The following EPHA6 variants were observed in gnomAD, a reference collection of about 807,000 sequenced individuals.
The protein encoded by EPHA6 is ephrin type-A receptor 6.
A neutral mutation model predicts 112.0 loss-of-function variants in EPHA6; 50 were observed. That is an observed-to-expected ratio of 0.45 (90% CI 0.36 to 0.56). The LOEUF is 0.56. Among genes scored for constraint, EPHA6 ranks in the 20% least tolerant of loss-of-function variants. The pLI, the probability that EPHA6 is intolerant of heterozygous loss-of-function variation, is 0.00. For missense variants in EPHA6, 1,280 were observed against 1,417.4 expected (o/e 0.90, Z 1.56); for synonymous variants, 529 against 490.7 (o/e 1.08, Z -1.03).
At chr3:96,867,224 GTATT>G (rs1393831177) in intron 2 of EPHA6, among the ~76,000 whole-genome samples, 1 of 151,708 alleles carries the variant, frequency 6.6e-6, no homozygotes, top group African/African-American at 2.4e-5. Context: ...ACCTCGATGA[GTATT>G]TGTGCATAAA....
intron 5 of EPHA6, among the ~76,000 whole-genome samples, chr3:97,398,053 A>T (rs1489642608): frequency 6.6e-6 from 1 of 151,452 alleles, no homozygotes; most frequent in Non-Finnish European, 1.5e-5. Context: ...TGTACTATTA[A>T]TTGCCCACTG....
At chr3:97,709,786 C>G (rs1192870476) in intron 14 of EPHA6, among the ~76,000 whole-genome samples, 3 of 152,180 alleles carry the variant, frequency 2.0e-5, no homozygotes, top group Non-Finnish European at 2.9e-5. Context: ...AGTGAGTTCT[C>G]ATGAAATATG....
At chr3:97,704,866 G>A (rs928723509) in intron 14 of EPHA6, among the ~76,000 whole-genome samples, 1 of 152,044 alleles carries the variant, frequency 6.6e-6, no homozygotes, top group African/African-American at 2.4e-5. Context: ...TAAAAATGTG[G>A]TGTCATGTGA....
At chr3:97,662,644 C>T (rs2094177408) in intron 14 of EPHA6, among the ~76,000 whole-genome samples, 2 of 152,202 alleles carry the variant, frequency 1.3e-5, no homozygotes, top group South Asian at 4.2e-4. Context: ...TCTTTAATCA[C>T]AAAATAAAAT....
chr3:97,639,378 A>G (rs1257462520), intron 14 of EPHA6, among the ~76,000 whole-genome samples: 2 of 152,034 alleles, frequency 1.3e-5, no homozygotes, highest in East Asian at 1.9e-4. Flanking sequence ...TTACAAATTT[A>G]TAACTTAAAA....
intron 14 of EPHA6, among the ~76,000 whole-genome samples, chr3:97,712,716 G>A (rs972718892): frequency 1.3e-5 from 2 of 152,176 alleles, no homozygotes; most frequent in Non-Finnish European, 2.9e-5. Context: ...ATTTTCAGGA[G>A]CAATTTAAGA....
chr3:97,460,253 A>G lies in EPHA6; in HGVS notation c.1894+11523A>G, dbSNP rs116987262. On this transcript the variant is annotated intron_variant, in intron 7 of 17. Coordinates refer to ENST00000389672, the MANE Select transcript of EPHA6 (RefSeq NM_001080448.3). ...GAACCATAAATGAAATAAAGCAAACATGCTATATTATCTTCCTTTGCTCTA... is the reference window on the plus strand; with the variant it reads ...GAACCATAAATGAAATAAAGCAAACGTGCTATATTATCTTCCTTTGCTCTA... 6.0e-4 allele frequency among the ~76,000 whole-genome samples: 91 copies of G among 152,354 alleles called. 1 individual carries two copies. The East Asian group carries it at 0.012, about 20-fold the overall frequency.
intron 3 of EPHA6, among the ~76,000 whole-genome samples, chr3:97,193,137 C>CATAT (rs2077351820): frequency 2.6e-5 from 4 of 152,064 alleles, no homozygotes; most frequent in Admixed American, 2.6e-4. Context: ...TTTGTGCTTT[C>CATAT]ATATACATTT....
chr3:97,748,548 T>C (rs942109618), intron 17 of EPHA6, 39 bp from the exon 18 acceptor site: 2 of 982,972 alleles, frequency 2.0e-6, no homozygotes, highest in Non-Finnish European at 3.3e-6. Context: ...TTTCTTGCTC[T>C]CACTCTCGCT....
At chr3:97,305,415 C>T (rs1240633086) in intron 5 of EPHA6, among the ~76,000 whole-genome samples, 2 of 151,990 alleles carry the variant, frequency 1.3e-5, no homozygotes, top group Non-Finnish European at 1.5e-5. Flanking sequence ...GATACATGCA[C>T]ATGTATGTTC....
intron 10 of EPHA6, among the ~76,000 whole-genome samples, chr3:97,506,927 T>C (rs913472646): frequency 3.3e-5 from 5 of 152,162 alleles, no homozygotes; most frequent in African/African-American, 1.2e-4. Flanking sequence ...ATTCCCTTTG[T>C]AGTCATGCGA....
intron 11 of EPHA6, among the ~76,000 whole-genome samples, chr3:97,591,014 C>T (rs1219104354): frequency 6.6e-6 from 1 of 152,142 alleles, no homozygotes; most frequent in Non-Finnish European, 1.5e-5. Flanking sequence ...TTGTAAGTTA[C>T]CTCGGAGTAC....
At chr3:97,152,148 T>C (rs1288004596) in intron 3 of EPHA6, among the ~76,000 whole-genome samples, 1 of 151,948 alleles carries the variant, frequency 6.6e-6, no homozygotes, top group East Asian at 1.9e-4. Flanking sequence ...AATCAGGCTT[T>C]AGTTGGAGAT....
At chr3:97,515,318 G>A (rs2092430824) in intron 10 of EPHA6, among the ~76,000 whole-genome samples, 1 of 152,170 alleles carries the variant, frequency 6.6e-6, no homozygotes, top group Non-Finnish European at 1.5e-5. Context: ...AACATAAGCT[G>A]CCAGAGACAG....
rs181218952 is a variant in EPHA6, at chr3:97,432,917, A to T, written c.1732-15651A>T. On this transcript the variant is annotated intron_variant, in intron 6 of 17. Transcript: ENST00000389672. ...TCCTTGACATATGGGGATTATAGGG[A>T]TTACAACAGGAGATGAGATTTGGGT... Among the ~76,000 whole-genome samples the T allele has an allele frequency of 2.9e-4, 44 of 152,288 alleles. No individual in the cohort carries two copies. The East Asian group carries it at 6.2e-3, about 21-fold the overall frequency.
chr3:97,051,288 A>G (rs1198663816), intron 3 of EPHA6, among the ~76,000 whole-genome samples: 2 of 152,174 alleles, frequency 1.3e-5, no homozygotes, highest in Admixed American at 1.3e-4. Flanking sequence ...TTTTTCTCTA[A>G]TAAATGGAGC....
chr3:97,492,465 C>T (rs1481866195), intron 10 of EPHA6, among the ~76,000 whole-genome samples: 1 of 142,782 alleles, frequency 7.0e-6, no homozygotes, highest in African/African-American at 2.6e-5. Flanking sequence ...TCTCTAGAAC[C>T]AGGGAGGCGG....
intron 11 of EPHA6, among the ~76,000 whole-genome samples, chr3:97,573,203 A>G (rs551268502): frequency 6.6e-6 from 1 of 152,306 alleles, no homozygotes; most frequent in Non-Finnish European, 1.5e-5. Flanking sequence ...TAATTGTTGG[A>G]TTATTTAAAG....
At chr3:97,002,431 T>C (rs1013992512) in intron 3 of EPHA6, among the ~76,000 whole-genome samples, 1 of 150,832 alleles carries the variant, frequency 6.6e-6, no homozygotes, top group East Asian at 1.9e-4. Context: ...AGAAATTCTC[T>C]TTCATCTATT....
Sources: allele counts gnomAD v4.1 joint callset (sites outside exome capture counted in the v4.1 genomes callset), GRCh38; gene constraint gnomAD v4.1.1; transcripts MANE v1.5; gene names NCBI Gene and HGNC (gene_info 2026-07-23, HGNC 2026-07-21).